The following NUP62CL variants were observed in gnomAD, a reference collection of about 807,000 sequenced individuals.
NUP62CL encodes the protein nucleoporin 62 C-terminal like.
NUP62CL carries 13 observed loss-of-function variants against 15.3 expected under a neutral mutation model. That is an observed-to-expected ratio of 0.85 (90% CI 0.55 to 1.35). NUP62CL has a LOEUF of 1.35. Among genes scored for constraint, NUP62CL ranks in the 40% most tolerant of loss-of-function variants. The pLI is 0.00. For missense variants in NUP62CL, 123 were observed against 130.6 expected, an observed-to-expected ratio of 0.94 and a Z score of 0.28; for synonymous variants, 54 against 49.2, an observed-to-expected ratio of 1.10 and a Z score of -0.41.
chrX:107,189,747 A>G (rs1255910189), intron 2 of NUP62CL, among the ~76,000 whole-genome samples: 5 of 105,169 alleles, frequency 4.8e-5, no homozygotes, highest in African/African-American at 1.8e-4. Context: ...TGATCGTGCC[A>G]CTGTACTCCA....
intron 8 of NUP62CL, among the ~76,000 whole-genome samples, chrX:107,147,060 A>T (rs1290329266): frequency 8.9e-6 from 1 of 112,050 alleles, no homozygotes; most frequent in Non-Finnish European, 1.9e-5. Context: ...TTTATAATGC[A>T]AATAGAAAAG....
chrX:107,167,104 T>C (rs1267930356), intron 4 of NUP62CL, among the ~76,000 whole-genome samples: 2 of 111,960 alleles, frequency 1.8e-5, no homozygotes, highest in Non-Finnish European at 3.8e-5. Flanking sequence ...ATTTCTTACA[T>C]ATACATGTGA....
chrX:107,125,372 C>T (rs751151333), intron 8 of NUP62CL, among the ~76,000 whole-genome samples: 1 of 110,793 alleles, frequency 9.0e-6, no homozygotes, highest in South Asian at 3.9e-4. Context: ...TTTGGGGAGT[C>T]GAAAGTTATA....
chrX:107,193,986 G>T (rs1033436776), intron 1 of NUP62CL, among the ~76,000 whole-genome samples: 5 of 110,538 alleles, frequency 4.5e-5, no homozygotes, highest in African/African-American at 1.6e-4. Flanking sequence ...CTACACAGTT[G>T]AAGAGAAAAA....
At chrX:107,189,487 A>G (rs1927153701) in intron 2 of NUP62CL, among the ~76,000 whole-genome samples, 1 of 110,801 alleles carries the variant, frequency 9.0e-6, no homozygotes, top group South Asian at 3.8e-4. Flanking sequence ...ATAAAAAGAA[A>G]CATGCAGGCC....
chrX:107,186,226 A>T (rs1927058379), intron 2 of NUP62CL, among the ~76,000 whole-genome samples: 3 of 111,885 alleles, frequency 2.7e-5, no homozygotes, highest in Admixed American at 9.5e-5. Flanking sequence ...TCTAATTGAC[A>T]TTTATAGAAC....
intron 8 of NUP62CL, among the ~76,000 whole-genome samples, chrX:107,126,985 G>T (rs1925400956): frequency 9.1e-6 from 1 of 110,274 alleles, no homozygotes; most frequent in African/African-American, 3.3e-5. Flanking sequence ...AGTGAGCTGA[G>T]ATTGTGCCAT....
chrX:107,149,743 G>A (rs1482972117), intron 7 of NUP62CL, among the ~76,000 whole-genome samples: 2 of 111,336 alleles, frequency 1.8e-5, no homozygotes, highest in Non-Finnish European at 3.8e-5. Flanking sequence ...TCACCTACCC[G>A]ATCCTGGCCT....
At chrX:107,186,199 A>G (rs904477381) in intron 2 of NUP62CL, among the ~76,000 whole-genome samples, 1 of 112,045 alleles carries the variant, frequency 8.9e-6, no homozygotes, top group Non-Finnish European at 1.9e-5. Context: ...ACTCAAAAAC[A>G]TCATGAACCT....
intron 2 of NUP62CL, among the ~76,000 whole-genome samples, chrX:107,186,752 G>C (rs1460312751): frequency 1.8e-5 from 2 of 111,316 alleles, no homozygotes; most frequent in Non-Finnish European, 3.8e-5. Context: ...ACAAAAGTTA[G>C]CTGGGCATGG....
At chrX:107,141,017 TTA>T (rs1486991179) in intron 8 of NUP62CL, among the ~76,000 whole-genome samples, 1 of 112,700 alleles carries the variant, frequency 8.9e-6, no homozygotes, top group African/African-American at 3.2e-5. Context: ...GTGATTTAAA[TTA>T]TGTTACATAT....
Position 107,205,827 on chromosome X carries a change from C to A in NUP62CL, c.-92+446G>T, listed in dbSNP as rs551288177. 4.8e-4 allele frequency among the ~76,000 whole-genome samples: 53 copies of A among 110,919 alleles called. No individual in the cohort carries two copies. The Middle Eastern group carries it at 0.018, about 39-fold the overall frequency. ...AGCGGCGCGCCTGCTTTTCTCCACT[C>A]CGAGGCGGGAAAAGCAGAGCTCCCG... On this transcript the variant is annotated intron_variant, in intron 1 of 8. Coordinates refer to ENST00000372466, the MANE Select transcript of NUP62CL (RefSeq NM_017681.3).
intron 4 of NUP62CL, among the ~76,000 whole-genome samples, chrX:107,157,143 T>C (rs748819510): frequency 1.8e-5 from 2 of 110,495 alleles, no homozygotes; most frequent in Admixed American, 9.6e-5. Context: ...AGACCAAATC[T>C]ACGTCTGATT....
intron 4 of NUP62CL, among the ~76,000 whole-genome samples, chrX:107,166,553 G>A (rs773988684): frequency 1.6e-3 from 182 of 111,374 alleles, no homozygotes; most frequent in Non-Finnish European, 3.0e-3. Context: ...CATACCACCC[G>A]ACAACTGCAC....
intron 3 of NUP62CL, among the ~76,000 whole-genome samples, chrX:107,169,833 C>T (rs1443963385): frequency 9.0e-6 from 1 of 111,078 alleles, no homozygotes; most frequent in Middle Eastern, 4.7e-3. Flanking sequence ...AAAATGAGCC[C>T]TTCTTGTAAA....
At chrX:107,202,489 T>C (rs1483231458) in intron 1 of NUP62CL, 1 of 110,671 alleles carries the variant, frequency 9.0e-6, no homozygotes, top group Non-Finnish European at 1.9e-5. Flanking sequence ...ACTATGGCAC[T>C]TGAACCTATG....
intron 4 of NUP62CL, among the ~76,000 whole-genome samples, chrX:107,158,538 A>G (rs1310851133): frequency 2.6e-5 from 2 of 78,402 alleles, no homozygotes; most frequent in Non-Finnish European, 4.2e-5. Flanking sequence ...TACTGGGTAC[A>G]TAACGAAATG....
intron 8 of NUP62CL, among the ~76,000 whole-genome samples, chrX:107,127,696 A>G (rs942466977): frequency 9.0e-6 from 1 of 111,530 alleles, no homozygotes; most frequent in African/African-American, 3.3e-5. Flanking sequence ...GATTAAATTC[A>G]CTGTCAAAGA....
chrX:107,199,872 A>C (rs149281471), intron 1 of NUP62CL, among the ~76,000 whole-genome samples: 1,271 of 112,378 alleles, frequency 0.011, 22 homozygotes, highest in African/African-American at 0.039. Context: ...AAAAGTACTC[A>C]AGAAGAAAGT....
Sources: allele counts gnomAD v4.1 joint callset (sites outside exome capture counted in the v4.1 genomes callset), GRCh38; gene constraint gnomAD v4.1.1; transcripts MANE v1.5; gene names NCBI Gene and HGNC (gene_info 2026-07-23, HGNC 2026-07-21).